The following ZNF521 variants were observed in gnomAD, a reference collection of about 807,000 sequenced individuals.
ZNF521 encodes LYST-interacting protein 3.
Under a neutral mutation model 105.5 loss-of-function variants are expected in ZNF521, and 14 were observed. That is an observed-to-expected ratio of 0.13 (90% CI 0.09 to 0.21). ZNF521 has a LOEUF of 0.21. ZNF521 is among the 10% of genes least tolerant of loss of function. ZNF521 has a pLI of 1.00. For missense variants in ZNF521, 1,233 were observed against 1,629.7 expected, an observed-to-expected ratio of 0.76 and a Z score of 4.19; for synonymous variants, 635 against 606.0, an observed-to-expected ratio of 1.05 and a Z score of -0.70.
intron 2 of ZNF521, chr18:25,327,729 G>T (rs777093201): frequency 9.7e-6 from 5 of 517,176 alleles, no homozygotes; most frequent in Admixed American, 3.9e-5. Context: ...GAAATAAATC[G>T]CACACTGTTA....
chr18:25,064,877 A>G (rs561561165), intron 7 of ZNF521, among the ~76,000 whole-genome samples: 59 of 152,320 alleles, frequency 3.9e-4, no homozygotes, highest in African/African-American at 1.4e-3. Flanking sequence ...TATTTAAAAC[A>G]TATCTTAATA....
intron 3 of ZNF521, among the ~76,000 whole-genome samples, chr18:25,305,745 C>A (rs1032998544): frequency 7.9e-5 from 12 of 152,178 alleles, no homozygotes; most frequent in Non-Finnish European, 1.6e-4. Flanking sequence ...CATACTAATT[C>A]TTTCAAAATA....
intron 7 of ZNF521, among the ~76,000 whole-genome samples, chr18:25,063,483 T>C (rs1599950511): frequency 6.6e-6 from 1 of 152,150 alleles, no homozygotes; most frequent in Non-Finnish European, 1.5e-5. Context: ...TATGCTAGCA[T>C]GTCCCCTTTC....
chr18:25,262,322 A>G (rs1020596970), intron 3 of ZNF521, among the ~76,000 whole-genome samples: 1 of 152,236 alleles, frequency 6.6e-6, no homozygotes, highest in Non-Finnish European at 1.5e-5. Flanking sequence ...TTCACATGGT[A>G]TAGTACTCTT....
intron 3 of ZNF521, among the ~76,000 whole-genome samples, chr18:25,275,901 G>A (rs1251955844): frequency 6.6e-6 from 1 of 152,194 alleles, no homozygotes; most frequent in Non-Finnish European, 1.5e-5. Flanking sequence ...TGAGAGAAAG[G>A]TGATGAGTTG....
chr18:25,270,639 C>T (rs1909588605), intron 3 of ZNF521, among the ~76,000 whole-genome samples: 1 of 152,080 alleles, frequency 6.6e-6, no homozygotes, highest in Admixed American at 6.6e-5. Flanking sequence ...AATCAATAAA[C>T]ATAATCCATC....
intron 5 of ZNF521, among the ~76,000 whole-genome samples, chr18:25,139,012 C>A (rs1007183925): frequency 6.6e-6 from 1 of 152,134 alleles, no homozygotes; most frequent in African/African-American, 2.4e-5. Context: ...TTTTCTATAT[C>A]AAGAAGAATC....
intron 5 of ZNF521, among the ~76,000 whole-genome samples, chr18:25,184,063 A>G (rs1310661762): frequency 2.6e-5 from 4 of 152,184 alleles, no homozygotes; most frequent in African/African-American, 7.2e-5. Flanking sequence ...ACACATATTC[A>G]TTGAATCTGG....
chr18:25,273,536 A>T (rs952253700), intron 3 of ZNF521: 5 of 152,240 alleles, frequency 3.3e-5, no homozygotes, highest in African/African-American at 1.2e-4. Context: ...GAGCTTCATT[A>T]TTCATATTTA....
Position 25,062,422 on chromosome 18 carries a change from CTTTT to C in ZNF521, c.*286_*289del. 3.3e-6 allele frequency: 1 copy of C among 303,926 alleles called. No homozygotes were observed. The highest frequency in any genetic ancestry group is 5.8e-6 in the Non-Finnish European group (1 of 171,498). The allele number at this position is 303,926 out of a possible 1,614,324, so 18.8% of individuals were successfully genotyped here. ...TATCTTAAGCCATTTTGGTCATAGT[CTTTT>C]TTTTTTTTTAATCTTGCCTGAATAG... On this transcript the variant is annotated 3_prime_UTR_variant, in exon 8 of 8. Transcript: ENST00000361524.
intron 5 of ZNF521, among the ~76,000 whole-genome samples, chr18:25,164,666 G>T (rs958747639): frequency 2.0e-5 from 3 of 152,196 alleles, no homozygotes; most frequent in African/African-American, 7.2e-5. Context: ...TACAAGGGAA[G>T]CATTTGGGTC....
intron 5 of ZNF521, among the ~76,000 whole-genome samples, chr18:25,112,505 T>G (rs1246208383): frequency 1.3e-5 from 2 of 152,122 alleles, no homozygotes; most frequent in African/African-American, 4.8e-5. Flanking sequence ...TAAATAAAAT[T>G]TATTGATGAT....
At chr18:25,289,461 T>C (rs1910886841) in intron 3 of ZNF521, among the ~76,000 whole-genome samples, 1 of 146,670 alleles carries the variant, frequency 6.8e-6, no homozygotes, top group Admixed American at 6.6e-5. Flanking sequence ...CGAAGTCGGC[T>C]CTGTTTTTAT....
At chr18:25,257,755 A>G (rs1468777816) in intron 3 of ZNF521, among the ~76,000 whole-genome samples, 1 of 152,184 alleles carries the variant, frequency 6.6e-6, no homozygotes, top group African/African-American at 2.4e-5. Context: ...CAAATTCCTT[A>G]TATCTCAGCC....
intron 3 of ZNF521, chr18:25,315,920 G>C (rs555068340): frequency 2.6e-5 from 4 of 152,194 alleles, no homozygotes; most frequent in African/African-American, 9.6e-5. Context: ...AACCCACATA[G>C]GCATCAGCAC....
chr18:25,187,507 A>G (rs568714893), intron 5 of ZNF521, among the ~76,000 whole-genome samples: 23 of 152,162 alleles, frequency 1.5e-4, no homozygotes, highest in Non-Finnish European at 3.1e-4. Flanking sequence ...GACTTAAAAT[A>G]TGCTGGCAAG....
At chr18:25,137,415 T>C (rs1380336525) in intron 5 of ZNF521, among the ~76,000 whole-genome samples, 2 of 152,174 alleles carry the variant, frequency 1.3e-5, no homozygotes, top group Non-Finnish European at 2.9e-5. Flanking sequence ...TTTGCTCTTG[T>C]TTCTTTGGCG....
At chr18:25,329,340 C>A (rs564051144) in intron 2 of ZNF521, among the ~76,000 whole-genome samples, 56 of 152,240 alleles carry the variant, frequency 3.7e-4, no homozygotes, top group African/African-American at 1.2e-3. Context: ...ATGACAAGGC[C>A]TGACTGGCAC....
chr18:25,323,697 GC>G (rs1389950246), intron 2 of ZNF521, among the ~76,000 whole-genome samples: 17 of 152,048 alleles, frequency 1.1e-4, no homozygotes, highest in Admixed American at 1.1e-3. Context: ...GTCCATGAAC[GC>G]CACACCAATA....
Sources: gnomAD v4.1 joint callset for allele counts (sites outside exome capture counted in the v4.1 genomes callset) on GRCh38, gnomAD v4.1.1 for gene constraint, MANE v1.5 for transcripts, NCBI Gene and HGNC (gene_info 2026-07-23, HGNC 2026-07-21) for gene names.